Variants in FAM184B observed in about 807,000 individuals in gnomAD.
The protein encoded by FAM184B is protein FAM184B.
In FAM184B, 111 loss-of-function variants were observed where a neutral mutation model predicts 135.9. The ratio of observed to expected loss-of-function variants is 0.82; its 90% confidence interval spans 0.70 to 0.96. FAM184B has a LOEUF of 0.96. Among genes scored for constraint, FAM184B ranks in the 40% least tolerant of loss-of-function variants. The pLI is 0.00. For missense variants in FAM184B, 1,375 were observed against 1,323.9 expected, an observed-to-expected ratio of 1.04 and a Z score of -0.60; for synonymous variants, 552 against 524.8, an observed-to-expected ratio of 1.05 and a Z score of -0.71.
chr4:17,765,581 A>C (rs73800393), intron 1 of FAM184B, among the ~76,000 whole-genome samples: 2,975 of 152,308 alleles, frequency 0.02, 87 homozygotes, highest in African/African-American at 0.068. Flanking sequence ...AAAACAGTAG[A>C]AGCTCTTTGG....
At chr4:17,746,505 T>C (rs1268169687) in intron 1 of FAM184B, among the ~76,000 whole-genome samples, 15 of 145,258 alleles carry the variant, frequency 1.0e-4, no homozygotes, top group East Asian at 2.2e-4. Flanking sequence ...CTGAGGTGGG[T>C]GGATCACCTG....
chr4:17,645,095 T>G (rs1214366811), intron 12 of FAM184B, among the ~76,000 whole-genome samples: 2 of 152,140 alleles, frequency 1.3e-5, no homozygotes, highest in East Asian at 1.9e-4. Context: ...TACAAACAAA[T>G]GGAAGAACAT....
chr4:17,710,343 CAAAG>C (rs1051837815), intron 1 of FAM184B, among the ~76,000 whole-genome samples: 14 of 151,746 alleles, frequency 9.2e-5, no homozygotes, highest in South Asian at 4.2e-4. Flanking sequence ...AACAAACAAA[CAAAG>C]AAACAAAAAC....
At chr4:17,773,698 C>T (rs1379797568) in intron 1 of FAM184B, among the ~76,000 whole-genome samples, 1 of 152,208 alleles carries the variant, frequency 6.6e-6, no homozygotes, top group African/African-American at 2.4e-5. Context: ...CTGCCTCAGC[C>T]TCCTGAGTAG....
chr4:17,721,367 G>C (rs1717522476), intron 1 of FAM184B, among the ~76,000 whole-genome samples: 2 of 63,690 alleles, frequency 3.1e-5, no homozygotes, highest in Non-Finnish European at 6.7e-5. Flanking sequence ...CTGGGCGACA[G>C]AGAAAGATTC....
Position 17,660,084 on chromosome 4 carries a change from G to A in FAM184B, c.1698C>T (p.Thr566=), listed in dbSNP as rs1187211048. ...EGTSSDEEER[T]KVLLKEGSDP... The stretch of plus-strand genomic sequence containing the variant: ...CACTTCCCTCCTTGAGAAGCACTTT[G>A]GTCCTTTGAAGATAAGGATGCCACA... Residue 566 remains threonine, a synonymous_variant, in exon 9 of 18, where the codon ACC becomes ACT. Transcript: ENST00000265018. The A allele has an allele frequency of 5.2e-6, 8 of 1,551,370 alleles. No homozygotes were observed.
intron 7 of FAM184B, among the ~76,000 whole-genome samples, chr4:17,682,414 G>C (rs750501110): frequency 2.0e-5 from 3 of 152,086 alleles, no homozygotes; most frequent in Non-Finnish European, 2.9e-5. Context: ...TGCATGTTCT[G>C]GGAGTGGAGT....
chr4:17,704,888 G>A, intron 5 of FAM184B, 112 bp downstream of exon 5: 4 of 904,964 alleles, frequency 4.4e-6, no homozygotes, highest in East Asian at 2.6e-5. Flanking sequence ...CATTTGTACA[G>A]AGCAGGAGCT....
Position 17,708,851 on chromosome 4 carries a change from GATT to G in FAM184B, c.894+38_894+40del, listed in dbSNP as rs1197397186. On this transcript the variant is annotated intron_variant, in intron 2 of 17. Transcript: ENST00000265018. ...CAGGTTCACAATAAGCAGCCCTGCTGATTTATCCCTTTGGGGTTGTAAGAAGAG... is the reference window on the plus strand; with the variant it reads ...CAGGTTCACAATAAGCAGCCCTGCTGTATCCCTTTGGGGTTGTAAGAAGAG... 1.4e-5 allele frequency: 21 copies of G among 1,465,648 alleles called. 1 individual carries two copies. The Admixed American group carries it at 3.4e-4, about 24-fold the overall frequency. The allele number at this position is 1,465,648 out of a possible 1,614,324, so 90.8% of individuals were successfully genotyped here.
intron 1 of FAM184B, among the ~76,000 whole-genome samples, chr4:17,721,926 G>A (rs766537497): frequency 5.9e-5 from 9 of 152,232 alleles, no homozygotes; most frequent in Non-Finnish European, 1.3e-4. Context: ...CCTCTTGGGA[G>A]TTAGGGGGAA....
chr4:17,756,910 G>A (rs749536171), intron 1 of FAM184B, among the ~76,000 whole-genome samples: 4 of 152,174 alleles, frequency 2.6e-5, no homozygotes, highest in Admixed American at 1.3e-4. Flanking sequence ...GTGATAGAGC[G>A]AGACTCCATC....
In FAM184B at chr4:17,647,582, G is replaced by A. The variant is rs369556259; in HGVS notation, c.2346+55C>T. 1.4e-4 allele frequency: 217 copies of A among 1,512,974 alleles called. 1 individual carries two copies. The East Asian group carries it at 2.5e-3, about 17-fold the overall frequency. The allele number at this position is 1,512,974 out of a possible 1,614,324, so 93.7% of individuals were successfully genotyped here. On this transcript the variant is annotated intron_variant, in intron 12 of 17. Transcript: ENST00000265018. ...CATCCTTTATGGGGCTTCTTACTGC[G>A]GCCCTGATGCTGCTCTGGGAGGGGT...
intron 1 of FAM184B, among the ~76,000 whole-genome samples, chr4:17,728,025 C>T (rs1055376385): frequency 3.3e-5 from 5 of 152,006 alleles, no homozygotes; most frequent in African/African-American, 1.2e-4. Context: ...TACTTGTAAT[C>T]CCAGCACTTT....
intron 12 of FAM184B, among the ~76,000 whole-genome samples, chr4:17,644,103 C>T (rs1339909540): frequency 1.3e-5 from 2 of 152,128 alleles, no homozygotes; most frequent in African/African-American, 2.4e-5. Flanking sequence ...AGGGAGGGTG[C>T]AGATGCCGGG....
intron 1 of FAM184B, among the ~76,000 whole-genome samples, chr4:17,725,614 T>TA (rs1045003224): frequency 6.6e-6 from 1 of 152,108 alleles, no homozygotes; most frequent in African/African-American, 2.4e-5. Flanking sequence ...GTGGGTTGGA[T>TA]AATAGGGTTA....
chr4:17,705,426 C>G (rs996331724), intron 4 of FAM184B, among the ~76,000 whole-genome samples: 2 of 152,216 alleles, frequency 1.3e-5, no homozygotes, highest in Non-Finnish European at 2.9e-5. Context: ...ATCATGAGAT[C>G]AGATACTTCA....
chr4:17,703,369 G>T (rs1177281501), intron 5 of FAM184B, among the ~76,000 whole-genome samples: 3 of 151,732 alleles, frequency 2.0e-5, no homozygotes, highest in Non-Finnish European at 4.4e-5. Context: ...ATGGTAGCAT[G>T]CACCTGCAGC....
intron 1 of FAM184B, among the ~76,000 whole-genome samples, chr4:17,765,170 C>A (rs1718632426): frequency 6.6e-6 from 1 of 152,172 alleles, no homozygotes; most frequent in South Asian, 2.1e-4. Context: ...TAATAAATGG[C>A]TTTTAAAATG....
At chr4:17,762,406 A>G (rs940925183) in intron 1 of FAM184B, among the ~76,000 whole-genome samples, 3 of 152,210 alleles carry the variant, frequency 2.0e-5, no homozygotes, top group Non-Finnish European at 4.4e-5. Context: ...TAGGCTGGGC[A>G]TGGCTAAGGG....
Sources: allele counts gnomAD v4.1 joint callset (sites outside exome capture counted in the v4.1 genomes callset), GRCh38; gene constraint gnomAD v4.1.1; transcripts MANE v1.5; gene names NCBI Gene and HGNC (gene_info 2026-07-23, HGNC 2026-07-21).